BTBD1: variants seen among roughly 807,000 people sequenced by gnomAD.
The protein encoded by BTBD1 is BTB domain containing 1, also known as BTB/POZ domain-containing protein 1.
In BTBD1, 34 loss-of-function variants were observed where a neutral mutation model predicts 48.0. That is an observed-to-expected ratio of 0.71 (90% CI 0.54 to 0.94). BTBD1 has a LOEUF of 0.94. Among genes scored for constraint, BTBD1 ranks in the 40% least tolerant of loss-of-function variants. The pLI, the probability that BTBD1 is intolerant of heterozygous loss-of-function variation, is 0.00. For missense variants in BTBD1, 543 were observed against 625.6 expected (o/e 0.87, Z 1.41); for synonymous variants, 261 against 242.1 (o/e 1.08, Z -0.72).
At chr15:83,026,128 C>G (rs1199913508) in intron 5 of BTBD1, among the ~76,000 whole-genome samples, 9 of 152,136 alleles carry the variant, frequency 5.9e-5, no homozygotes, top group Non-Finnish European at 1.0e-4. Flanking sequence ...TATCATTGTA[C>G]AACTGTCACC....
intron 4 of BTBD1, among the ~76,000 whole-genome samples, chr15:83,038,670 C>T (rs767173607): frequency 6.6e-6 from 1 of 152,086 alleles, no homozygotes; most frequent in Non-Finnish European, 1.5e-5. Context: ...GCTACAGTAA[C>T]CAAAACAGCA....
rs535497987 is a variant in BTBD1, at chr15:83,066,993, C to T, written c.159G>A (p.Ala53=). The part of the protein sequence containing the change: ...EPLYNWQATK[A]SLKERFAFLF... ...GGAAGGCGAAGCGCTCCTTCAGCGA[C>T]GCCTTGGTCGCCTGCCAGTTGTAGA... The change falls in exon 1 of 8, where the codon GCG becomes GCA. Residue 53 remains alanine (A), a synonymous_variant. Coordinates refer to ENST00000261721, the MANE Select transcript of BTBD1 (RefSeq NM_025238.4). The T allele has an allele frequency of 2.4e-5, 38 of 1,585,398 alleles. No homozygotes were observed. In the East Asian group the frequency reaches 8.4e-4, roughly 35 times the overall value.
At chr15:83,061,827 A>C (rs1358713296) in intron 1 of BTBD1, 1 of 152,254 alleles carries the variant, frequency 6.6e-6, no homozygotes, top group Admixed American at 6.5e-5. Flanking sequence ...GTAAAAGATA[A>C]TAAAAGTTGT....
intron 1 of BTBD1, among the ~76,000 whole-genome samples, chr15:83,059,922 C>T (rs1033471702): frequency 6.6e-6 from 1 of 152,172 alleles, no homozygotes; most frequent in African/African-American, 2.4e-5. Flanking sequence ...TTAGCTTCAC[C>T]CTTGACTCTA....
Position 83,042,348 on chromosome 15 carries a change from T to TTATATATATATATATATATATATA in BTBD1, c.665-447_665-424dup, listed in dbSNP as rs61294242. Among the ~76,000 whole-genome samples, 498 of 109,642 alleles carry TTATATATATATATATATATATATA rather than the reference T, an allele frequency of 4.5e-3. 6 individuals carry two copies. Among genetic ancestry groups the TTATATATATATATATATATATATA allele is most frequent in the African/African-American group, 6.2e-3 (168 of 26,890 alleles). The allele number at this position is 109,642 out of a possible 152,430, so 71.9% of individuals were successfully genotyped here. A position where few individuals can be genotyped will look rare whatever the true frequency, so the allele number is the denominator to read the frequency against. Reference sequence around the variant, plus strand: ...ACGTGCCAGGTACTATTAGGCAATTTTATATATATATATATATATATATAT... The same window carrying TTATATATATATATATATATATATA: ...ACGTGCCAGGTACTATTAGGCAATTTTATATATATATATATATATATATATATATATATATATATATATATATAT... On this transcript the variant is annotated intron_variant, in intron 3 of 7. Coordinates refer to ENST00000261721, the MANE Select transcript of BTBD1 (RefSeq NM_025238.4).
chr15:83,050,202 T>C (rs1217152376), intron 2 of BTBD1, 24 bp from the exon 3 acceptor site: 23 of 1,489,216 alleles, frequency 1.5e-5, no homozygotes, highest in Non-Finnish European at 2.1e-5. Context: ...GAGATAGTTA[T>C]TTAACTTTCA....
In BTBD1 at chr15:83,030,293, C is replaced by T; in HGVS notation, c.898G>A (p.Val300Met). ...AQSGILSDREVVNLFLHFTVN... is the reference protein window; with the variant it reads ...AQSGILSDREMVNLFLHFTVN... Reference sequence around the variant, plus strand: ...GTAAAATGAAGAAAGAGGTTTACCACTTCACGATCTGACAAAATTCCAGAT... The same window carrying T: ...GTAAAATGAAGAAAGAGGTTTACCATTTCACGATCTGACAAAATTCCAGAT... Residue 300 changes from valine to methionine, a missense_variant, in exon 5 of 8, where the codon GTG becomes ATG. Physicochemically the swap from Val to Met is conservative, Grantham distance 21. This residue lies in a region of BTBD1 where 300 missense variants were observed against 350.0 expected (regional missense o/e 0.86). Coordinates refer to ENST00000261721, the MANE Select transcript of BTBD1 (RefSeq NM_025238.4). 1.2e-6 allele frequency: 2 copies of T among 1,614,058 alleles called. No individual in the cohort carries two copies. The highest frequency in any genetic ancestry group is 2.2e-5 in the South Asian group (2 of 91,088).
intron 1 of BTBD1, among the ~76,000 whole-genome samples, chr15:83,063,763 G>C (rs748343160): frequency 6.6e-6 from 1 of 152,094 alleles, no homozygotes; most frequent in Non-Finnish European, 1.5e-5. Flanking sequence ...TCCCTCTACT[G>C]TGCTTAAGGC....
intron 6 of BTBD1, 23 bp downstream of exon 6, chr15:83,020,652 T>C (rs775824927): frequency 4.2e-6 from 6 of 1,420,754 alleles, no homozygotes; most frequent in South Asian, 1.2e-5. Flanking sequence ...CAAAATGATA[T>C]ATGGTGGGGG....
intron 4 of BTBD1, among the ~76,000 whole-genome samples, chr15:83,036,148 A>C (rs1282814518): frequency 2.9e-5 from 3 of 105,068 alleles, no homozygotes; most frequent in Admixed American, 1.0e-4. Context: ...CCTCTAAAAG[A>C]AAGCAAGAAA....
chr15:83,046,902 G>A (rs1013992571), intron 3 of BTBD1, among the ~76,000 whole-genome samples: 2 of 152,152 alleles, frequency 1.3e-5, no homozygotes, highest in Non-Finnish European at 2.9e-5. Context: ...CATGGACGAG[G>A]GTGGGGTATC....
Position 83,049,428 on chromosome 15 carries a change from T to G in BTBD1, c.664+645A>C, listed in dbSNP as rs1025347603. Reference sequence around the variant, plus strand: ...CATTATTCAAGGACCTACTGTGCTATCCATTCTTTAAGGCTCATATCAGAA... The same window carrying G: ...CATTATTCAAGGACCTACTGTGCTAGCCATTCTTTAAGGCTCATATCAGAA... On this transcript the variant is annotated intron_variant, in intron 3 of 7. Transcript: ENST00000261721. 3.9e-5 allele frequency among the ~76,000 whole-genome samples: 6 copies of G among 152,206 alleles called. No homozygotes were observed. In the South Asian group the frequency reaches 1.2e-3, roughly 32 times the overall value.
intron 1 of BTBD1, among the ~76,000 whole-genome samples, chr15:83,063,243 T>C (rs2033203984): frequency 6.6e-6 from 1 of 152,218 alleles, no homozygotes; most frequent in Non-Finnish European, 1.5e-5. Context: ...GTACCTCTCT[T>C]CACAGTCTAC....
intron 3 of BTBD1, among the ~76,000 whole-genome samples, chr15:83,049,187 G>A (rs1473056926): frequency 6.6e-6 from 1 of 152,072 alleles, no homozygotes; most frequent in Admixed American, 6.6e-5. Flanking sequence ...ATCCCACACA[G>A]TACATCATTT....
At chr15:83,030,585 G>A in intron 4 of BTBD1, 1 of 358,224 alleles carries the variant, frequency 2.8e-6, no homozygotes, top group Non-Finnish European at 5.1e-6. Context: ...ATGGATGCCA[G>A]GAATCCTCCT....
At chr15:83,022,805 T>A (rs1268187650) in intron 5 of BTBD1, among the ~76,000 whole-genome samples, 1 of 151,896 alleles carries the variant, frequency 6.6e-6, no homozygotes, top group Non-Finnish European at 1.5e-5. Flanking sequence ...TTACTAAAAA[T>A]ACAAAAATTA....
intron 2 of BTBD1, among the ~76,000 whole-genome samples, chr15:83,055,911 C>T (rs966741498): frequency 3.3e-5 from 5 of 152,130 alleles, no homozygotes; most frequent in African/African-American, 1.2e-4. Flanking sequence ...TTAGCTTCTT[C>T]ACCTATATGA....
chr15:83,041,480 A>G (rs2032759248), intron 4 of BTBD1, among the ~76,000 whole-genome samples: 1 of 151,618 alleles, frequency 6.6e-6, no homozygotes, highest in Admixed American at 6.6e-5. Context: ...GGTTCAAGCG[A>G]TTCTCCTGCC....
intron 4 of BTBD1, among the ~76,000 whole-genome samples, chr15:83,040,712 A>AAAAAAAAAAAAAAAG (rs2032737029): frequency 6.6e-6 from 1 of 151,466 alleles, no homozygotes. Flanking sequence ...AAAAAAAAAA[A>AAAAAAAAAAAAAAAG]AAAAAAAAAC....
Sources: gnomAD v4.1 joint callset for allele counts (sites outside exome capture counted in the v4.1 genomes callset) on GRCh38, gnomAD v4.1.1 for gene constraint, gnomAD v4.1.1 regional missense constraint, MANE v1.5 for transcripts, NCBI Gene and HGNC (gene_info 2026-07-23, HGNC 2026-07-21) for gene names.